Variants in YEATS2 observed in about 807,000 individuals in gnomAD.
YEATS2 encodes YEATS domain-containing protein 2.
In YEATS2, 77 loss-of-function variants were observed where a neutral mutation model predicts 163.2. That is an observed-to-expected ratio of 0.47 (90% CI 0.39 to 0.57). The LOEUF (loss-of-function observed/expected upper bound fraction) is 0.57. YEATS2 is among the 20% of genes least tolerant of loss of function. The pLI is 0.00. For missense variants in YEATS2, 1,549 were observed against 1,729.8 expected (o/e 0.90, Z 1.85); for synonymous variants, 631 against 645.1 (o/e 0.98, Z 0.33).
intron 2 of YEATS2, among the ~76,000 whole-genome samples, chr3:183,717,270 CTCT>C (rs951732894): frequency 7.2e-5 from 11 of 152,178 alleles, no homozygotes; most frequent in African/African-American, 2.4e-4. Flanking sequence ...GCTGTCATAT[CTCT>C]TTAGTCTCTC....
At chr3:183,712,226 T>TATGTTATGTTATGTTATGTTATGTTATG in intron 1 of YEATS2, among the ~76,000 whole-genome samples, 12 of 147,204 alleles carry the variant, frequency 8.2e-5, no homozygotes, top group Middle Eastern at 3.4e-3. Context: ...TATTTTATTT[T>TATGTTATGTTATGTTATGTTATGTTATG]TTGAGACAGA....
intron 9 of YEATS2, among the ~76,000 whole-genome samples, chr3:183,749,273 A>C (rs1002695099): frequency 1.2e-4 from 18 of 152,198 alleles, no homozygotes; most frequent in Non-Finnish European, 1.9e-4. Context: ...ATTGTGCTTA[A>C]AAAACACGTA....
chr3:183,742,856 C>T (rs974037783), intron 8 of YEATS2, among the ~76,000 whole-genome samples: 1 of 152,142 alleles, frequency 6.6e-6, no homozygotes, highest in Non-Finnish European at 1.5e-5. Context: ...AAGAAATTGC[C>T]GTAGCCACCC....
intron 21 of YEATS2, among the ~76,000 whole-genome samples, chr3:183,797,555 T>TAAATAAAA (rs1168397504): frequency 4.0e-5 from 6 of 149,524 alleles, no homozygotes; most frequent in Non-Finnish European, 5.9e-5. Context: ...AATAAATAAA[T>TAAATAAAA]AAATAAATAA....
chr3:183,790,337 C>CTTAG (rs1240250215), intron 20 of YEATS2, among the ~76,000 whole-genome samples: 7 of 152,164 alleles, frequency 4.6e-5, no homozygotes, highest in Admixed American at 4.6e-4. Context: ...CTCTCAGAGC[C>CTTAG]TTAGCACTTA....
At chr3:183,768,644 T>A (rs1722153121) in intron 15 of YEATS2, among the ~76,000 whole-genome samples, 1 of 152,136 alleles carries the variant, frequency 6.6e-6, no homozygotes, top group African/African-American at 2.4e-5. Context: ...GCTCTGTGGC[T>A]ACAGAAACTC....
intron 8 of YEATS2, among the ~76,000 whole-genome samples, chr3:183,737,036 A>G (rs1385777121): frequency 6.6e-6 from 1 of 152,212 alleles, no homozygotes; most frequent in African/African-American, 2.4e-5. Context: ...CATATTTTGT[A>G]TCTTATATAT....
chr3:183,786,798 T>C (rs1020104667), intron 20 of YEATS2, among the ~76,000 whole-genome samples: 9 of 152,238 alleles, frequency 5.9e-5, no homozygotes, highest in Non-Finnish European at 8.8e-5. Context: ...ATATTTTGTT[T>C]ATCCATTCAT....
At chr3:183,745,927 A>C (rs561795011) in intron 8 of YEATS2, among the ~76,000 whole-genome samples, 3 of 152,070 alleles carry the variant, frequency 2.0e-5, no homozygotes. Context: ...AACTTCCTGG[A>C]TTCAAGCAAT....
intron 5 of YEATS2, among the ~76,000 whole-genome samples, chr3:183,722,621 CAA>C (rs1015694165): frequency 1.3e-5 from 2 of 150,460 alleles, no homozygotes; most frequent in Admixed American, 6.6e-5. Flanking sequence ...TTTACTTGCC[CAA>C]AAGTGTCAGA....
At chr3:183,764,531 T>A (rs987639860) in intron 15 of YEATS2, among the ~76,000 whole-genome samples, 7 of 152,282 alleles carry the variant, frequency 4.6e-5, no homozygotes, top group East Asian at 1.9e-4. Context: ...TTCATAGAGC[T>A]TGTCGCAGTG....
intron 15 of YEATS2, 140 bp from the exon 16 acceptor site, chr3:183,772,165 C>T: frequency 1.8e-6 from 2 of 1,111,954 alleles, no homozygotes; most frequent in Non-Finnish European, 2.6e-6. Context: ...GCCGTTCACA[C>T]CTGTGTAGGT....
chr3:183,779,244 CT>C (rs1440534203), intron 19 of YEATS2, among the ~76,000 whole-genome samples: 1 of 152,178 alleles, frequency 6.6e-6, no homozygotes, highest in Non-Finnish European at 1.5e-5. Flanking sequence ...TATGTGTCCT[CT>C]TTTTATTGAT....
intron 7 of YEATS2, among the ~76,000 whole-genome samples, chr3:183,735,744 T>C (rs1159105637): frequency 6.6e-6 from 1 of 151,944 alleles, no homozygotes; most frequent in Non-Finnish European, 1.5e-5. Flanking sequence ...TGGAGTGCAG[T>C]GGTGTGATCT....
At chr3:183,736,154 A>T (rs914072528) in intron 7 of YEATS2, among the ~76,000 whole-genome samples, 1 of 152,060 alleles carries the variant, frequency 6.6e-6, no homozygotes, top group African/African-American at 2.4e-5. Flanking sequence ...GAATTCTCCA[A>T]TCCAGTTAGC....
Position 183,810,758 on chromosome 3 carries a change from C to T in YEATS2, c.*175C>T, listed in dbSNP as rs1726729163. The T allele has an allele frequency of 1.7e-6, 1 of 589,926 alleles. No homozygotes were observed. The highest frequency in any genetic ancestry group is 1.9e-5 in the African/African-American group (1 of 53,698). The allele number at this position is 589,926 out of a possible 1,614,324, so 36.5% of individuals were successfully genotyped here. On this transcript the variant is annotated 3_prime_UTR_variant, in exon 31 of 31. Transcript: ENST00000305135. ...CAGCACGCTGCACTCCAGATGAAAT[C>T]CTCCTAGGACAGGAGTTTGTTTCCT...
rs761078586 is a variant in YEATS2, at chr3:183,714,197, AT to A, written c.-19-931del. The stretch of plus-strand genomic sequence containing the variant: ...AGTAAAGGTCTAGAGGATTTATGGG[AT>A]TTTTTTTTTTTTTTTGAGATGGAGT... On this transcript the variant is annotated intron_variant, in intron 1 of 30. Transcript: ENST00000305135. Among the ~76,000 whole-genome samples, 383 of 138,342 alleles carry A rather than the reference AT, an allele frequency of 2.8e-3. 1 individual carries two copies. The highest frequency in any genetic ancestry group is 3.8e-3 in the East Asian group (18 of 4,736). 90.8% of individuals were successfully genotyped at this position (138,342 alleles called of 152,430 possible).
intron 18 of YEATS2, among the ~76,000 whole-genome samples, chr3:183,777,025 A>G (rs1010786733): frequency 6.6e-6 from 1 of 152,108 alleles, no homozygotes; most frequent in African/African-American, 2.4e-5. Context: ...CTACTATGCT[A>G]ATTGCCTCCA....
At chr3:183,738,791 C>A (rs950872852) in intron 8 of YEATS2, among the ~76,000 whole-genome samples, 1 of 113,556 alleles carries the variant, frequency 8.8e-6, no homozygotes, top group African/African-American at 3.4e-5. Context: ...TTTTCTTAAT[C>A]CAGTCTATCA....
Sources: allele counts gnomAD v4.1 joint callset (sites outside exome capture counted in the v4.1 genomes callset), GRCh38; gene constraint gnomAD v4.1.1; transcripts MANE v1.5; gene names NCBI Gene and HGNC (gene_info 2026-07-23, HGNC 2026-07-21).